EPHA5: variants seen among roughly 807,000 people sequenced by gnomAD.
EPHA5 encodes EPH receptor A5.
In EPHA5, 60 loss-of-function variants were observed where a neutral mutation model predicts 105.0. That is an observed-to-expected ratio of 0.57 (90% CI 0.46 to 0.71). EPHA5 has a LOEUF of 0.71. Ranked by LOEUF, EPHA5 falls within the 30% of genes least tolerant of loss-of-function variation. The pLI is 0.00. For missense variants in EPHA5, 1,218 were observed against 1,274.7 expected (o/e 0.96, Z 0.68); for synonymous variants, 513 against 449.1 (o/e 1.14, Z -1.80).
chr4:65,332,190 C>G (rs2148800048), intron 15 of EPHA5, 62 bp from the exon 16 acceptor site: 1 of 1,364,218 alleles, frequency 7.3e-7, no homozygotes, highest in Non-Finnish European at 9.9e-7. Context: ...ACAAAGTTTA[C>G]TATAATGTTA....
At chr4:65,472,895 G>A (rs1011424302) in intron 5 of EPHA5, among the ~76,000 whole-genome samples, 17 of 152,100 alleles carry the variant, frequency 1.1e-4, no homozygotes, top group African/African-American at 2.9e-4. Context: ...TTATGCAGCC[G>A]GCTTGAATTT....
intron 1 of EPHA5, among the ~76,000 whole-genome samples, chr4:65,662,528 G>A (rs1286014709): frequency 6.6e-6 from 1 of 152,044 alleles, no homozygotes; most frequent in East Asian, 1.9e-4. Flanking sequence ...CACAACAAGT[G>A]TTTGGCATAA....
At chr4:65,495,582 C>G (rs759992892) in intron 3 of EPHA5, 39 bp from the exon 4 acceptor site, 45 of 1,555,362 alleles carry the variant, frequency 2.9e-5, no homozygotes, top group Non-Finnish European at 3.8e-5. Flanking sequence ...TTCCCTGGAA[C>G]AGATGCAGTG....
At chr4:65,411,346 C>T (rs1722891171) in intron 7 of EPHA5, among the ~76,000 whole-genome samples, 1 of 151,900 alleles carries the variant, frequency 6.6e-6, no homozygotes. Flanking sequence ...AACATTTTAA[C>T]TTTTTGTTGA....
chr4:65,356,526 GA>G, intron 11 of EPHA5, among the ~76,000 whole-genome samples: 1 of 151,368 alleles, frequency 6.6e-6, no homozygotes, highest in African/African-American at 2.4e-5. Flanking sequence ...CATCCTGTAG[GA>G]TTTTTCAGCT....
rs1411448430 is a variant in EPHA5, at chr4:65,669,612, A to T, written c.131T>A (p.Leu44His). The T allele has an allele frequency of 7.0e-7, 1 of 1,432,988 alleles. No individual in the cohort carries two copies. Among genetic ancestry groups the T allele is most frequent in the Non-Finnish European group, 9.2e-7 (1 of 1,087,186 alleles). 88.8% of individuals were successfully genotyped at this position (1,432,988 alleles called of 1,614,324 possible). Residue 44 changes from leucine to histidine, a missense_variant, in exon 1 of 17, where the codon CTT becomes CAT. By Grantham distance (99) the Leu-to-His change is moderately conservative (BLOSUM62 -3). Coordinates refer to ENST00000613740, the MANE Select transcript of EPHA5 (RefSeq NM_001281766.3). ...GGTCCGGAGTGCGGCGCACAGGAGA[A>T]GGCACGTCCAGAGGGGAGCCCGTCG... The part of the protein sequence containing the change: ...APRRAPLWTC[L>H]LLCAALRTLL...
At chr4:65,627,444 C>T (rs1268770315) in intron 2 of EPHA5, among the ~76,000 whole-genome samples, 1 of 152,114 alleles carries the variant, frequency 6.6e-6, no homozygotes, top group East Asian at 1.9e-4. Context: ...TTTGGCTTAA[C>T]ACATTTATTT....
intron 2 of EPHA5, among the ~76,000 whole-genome samples, chr4:65,640,698 G>T (rs988229483): frequency 2.6e-5 from 4 of 152,074 alleles, no homozygotes; most frequent in African/African-American, 9.7e-5. Context: ...GTGCATGTTG[G>T]GACATTCCTT....
chr4:65,357,034 G>C (rs986475406), intron 11 of EPHA5, among the ~76,000 whole-genome samples: 18 of 151,426 alleles, frequency 1.2e-4, no homozygotes, highest in East Asian at 1.9e-4. Flanking sequence ...TCACAGGGGA[G>C]AGTTTTTATA....
chr4:65,506,397 T>C (rs1277434996), intron 3 of EPHA5, among the ~76,000 whole-genome samples: 1 of 146,126 alleles, frequency 6.8e-6, no homozygotes, highest in Non-Finnish European at 1.5e-5. Flanking sequence ...ATGGTATTTC[T>C]AGTTCTAGAT....
At chr4:65,656,622 G>A (rs912139344) in intron 1 of EPHA5, among the ~76,000 whole-genome samples, 6 of 146,684 alleles carry the variant, frequency 4.1e-5, no homozygotes, top group African/African-American at 1.5e-4. Flanking sequence ...TAATGTGATT[G>A]TTTATTTTTG....
chr4:65,456,332 T>G (rs1326577173), intron 5 of EPHA5, among the ~76,000 whole-genome samples: 2 of 152,144 alleles, frequency 1.3e-5, no homozygotes, highest in African/African-American at 4.8e-5. Flanking sequence ...ATTTTTTTTT[T>G]TTCTTCACAG....
chr4:65,612,875 T>C (rs1168999461), intron 2 of EPHA5, among the ~76,000 whole-genome samples: 2 of 152,220 alleles, frequency 1.3e-5, no homozygotes, highest in Non-Finnish European at 2.9e-5. Flanking sequence ...TGAAGCTTTT[T>C]AGTTTAAATA....
intron 3 of EPHA5, among the ~76,000 whole-genome samples, chr4:65,570,460 C>T (rs1470509684): frequency 6.6e-6 from 1 of 151,458 alleles, no homozygotes; most frequent in Non-Finnish European, 1.5e-5. Flanking sequence ...CCACCTCCCC[C>T]CACTCTACCC....
intron 8 of EPHA5, among the ~76,000 whole-genome samples, chr4:65,391,039 G>C (rs773616634): frequency 1.3e-5 from 2 of 151,958 alleles, no homozygotes; most frequent in South Asian, 4.1e-4. Context: ...TTTTTCATAA[G>C]GCAGCAGGAA....
At chr4:65,459,537 TG>T (rs1049407356) in intron 5 of EPHA5, among the ~76,000 whole-genome samples, 2 of 151,838 alleles carry the variant, frequency 1.3e-5, no homozygotes, top group African/African-American at 4.8e-5. Context: ...ACTGTGTCAG[TG>T]GTCTGAACTG....
intron 2 of EPHA5, among the ~76,000 whole-genome samples, chr4:65,641,049 C>CT (rs1747620308): frequency 6.6e-6 from 1 of 152,098 alleles, no homozygotes; most frequent in African/African-American, 2.4e-5. Context: ...TTCAAGAGCT[C>CT]TAAGTCAGGT....
At chr4:65,525,016 AAAT>A (rs1735100013) in intron 3 of EPHA5, among the ~76,000 whole-genome samples, 1 of 151,748 alleles carries the variant, frequency 6.6e-6, no homozygotes, top group Admixed American at 6.6e-5. Flanking sequence ...CCTTTCTTAG[AAAT>A]ATCTACCATA....
intron 4 of EPHA5, among the ~76,000 whole-genome samples, chr4:65,492,612 T>C (rs1174351982): frequency 6.7e-6 from 1 of 150,016 alleles, no homozygotes; most frequent in Non-Finnish European, 1.5e-5. Context: ...ATACCGGCCA[T>C]CTCACATACT....
Sources: allele counts gnomAD v4.1 joint callset (sites outside exome capture counted in the v4.1 genomes callset), GRCh38; gene constraint gnomAD v4.1.1; transcripts MANE v1.5; gene names NCBI Gene and HGNC (gene_info 2026-07-23, HGNC 2026-07-21).